SCNN1B: variants seen among roughly 807,000 people sequenced by gnomAD.
SCNN1B encodes the protein sodium channel epithelial 1 subunit beta, also known as epithelial sodium channel subunit beta.
In SCNN1B, 46 loss-of-function variants were observed where a neutral mutation model predicts 65.3. That is an observed-to-expected ratio of 0.70 (90% CI 0.56 to 0.90). The LOEUF is 0.90. SCNN1B is among the 40% of genes least tolerant of loss of function. The pLI is 0.00. For missense variants in SCNN1B, 751 were observed against 830.5 expected (o/e 0.90, Z 1.18); for synonymous variants, 349 against 330.6 (o/e 1.06, Z -0.60).
In SCNN1B at chr16:23,293,114, CAAAAAAAAAAA is replaced by C. The variant is rs1191618996; in HGVS notation, n.178+9328_178+9338del. On this transcript the variant is annotated intron_variant and non_coding_transcript_variant, in intron 2 of 3. Transcript: ENST00000569789. ...TGGGCAATACAGGGAGACTCATTCT[CAAAAAAAAAAA>C]AAAAAAAAAAAAAAAAAGTGAGACT... is the stretch of plus-strand genomic sequence containing the variant. Among the ~76,000 whole-genome samples, 5 of 34,180 alleles carry C rather than the reference CAAAAAAAAAAA, an allele frequency of 1.5e-4. 2 individuals are homozygous for C. The South Asian group carries it at 0.013, about 87-fold the overall frequency. 22.4% of individuals were successfully genotyped at this position (34,180 alleles called of 152,430 possible). A position where few individuals can be genotyped will look rare whatever the true frequency, so the allele number is the denominator to read the frequency against.
At chr16:23,319,568 C>T (rs1417354397) in intron 1 of SCNN1B, among the ~76,000 whole-genome samples, 13 of 152,180 alleles carry the variant, frequency 8.5e-5, no homozygotes, top group Admixed American at 8.5e-4. Context: ...ACATAGCCCG[C>T]CCAGTCATTT....
At chr16:23,292,000 T>C (rs1960932043) in intron 2 of SCNN1B, among the ~76,000 whole-genome samples, 1 of 151,854 alleles carries the variant, frequency 6.6e-6, no homozygotes, top group African/African-American at 2.4e-5. Flanking sequence ...CAACTTGTTT[T>C]TTTCTCTCAC....
intron 1 of SCNN1B, among the ~76,000 whole-genome samples, chr16:23,319,734 T>G (rs186543952): frequency 3.7e-4 from 57 of 152,280 alleles, no homozygotes; most frequent in Admixed American, 3.6e-3. Flanking sequence ...CAAACTCTGC[T>G]GCACATATTA....
chr16:23,313,759 G>A (rs534588594), intron 1 of SCNN1B, among the ~76,000 whole-genome samples: 1 of 152,146 alleles, frequency 6.6e-6, no homozygotes, highest in South Asian at 2.1e-4. Flanking sequence ...CTATAGGCAC[G>A]CGCCACCACG....
chr16:23,324,246 G>A (rs922572966), intron 1 of SCNN1B, among the ~76,000 whole-genome samples: 5 of 150,848 alleles, frequency 3.3e-5, no homozygotes, highest in African/African-American at 7.3e-5. Flanking sequence ...GGAGTGCAGC[G>A]GTACAGTCAT....
At chr16:23,311,428 C>A (rs994551268) in intron 1 of SCNN1B, among the ~76,000 whole-genome samples, 4 of 152,328 alleles carry the variant, frequency 2.6e-5, no homozygotes, top group African/African-American at 9.6e-5. Flanking sequence ...CTGGGTTGCA[C>A]CCTCCCAAAA....
chr16:23,360,309 G>T (rs373395335), intron 4 of SCNN1B, among the ~76,000 whole-genome samples: 1 of 152,062 alleles, frequency 6.6e-6, no homozygotes, highest in African/African-American at 2.4e-5. Context: ...GCCAAGGAGG[G>T]AGAATCGCTT....
intron 1 of SCNN1B, among the ~76,000 whole-genome samples, chr16:23,320,933 C>T (rs1168829700): frequency 6.6e-6 from 1 of 152,200 alleles, no homozygotes; most frequent in Non-Finnish European, 1.5e-5. Flanking sequence ...CCACCTAAGC[C>T]CCAGCCGGTT....
At chr16:23,362,733 C>A (rs1962578082) in intron 4 of SCNN1B, among the ~76,000 whole-genome samples, 1 of 152,230 alleles carries the variant, frequency 6.6e-6, no homozygotes, top group Non-Finnish European at 1.5e-5. Context: ...CCTGGCCACA[C>A]CCCATGCAGC....
intron 1 of SCNN1B, among the ~76,000 whole-genome samples, chr16:23,283,402 C>T (rs545249408): frequency 2.0e-5 from 3 of 152,302 alleles, no homozygotes; most frequent in East Asian, 1.9e-4. Flanking sequence ...CAGAGCAAGA[C>T]TCCATCTCCA....
chr16:23,321,161 C>T (rs1961578921), intron 1 of SCNN1B, among the ~76,000 whole-genome samples: 1 of 152,216 alleles, frequency 6.6e-6, no homozygotes, highest in Non-Finnish European at 1.5e-5. Flanking sequence ...TCTGCCTCAG[C>T]CTCCTAAGTA....
At chr16:23,371,525 C>T in intron 6 of SCNN1B, 63 bp downstream of exon 6, 1 of 1,533,948 alleles carries the variant, frequency 6.5e-7, no homozygotes, top group Admixed American at 1.7e-5. Flanking sequence ...CTGTCCAGGG[C>T]CAACTGCCCT....
intron 1 of SCNN1B, among the ~76,000 whole-genome samples, chr16:23,320,296 G>A (rs1371034133): frequency 6.6e-6 from 1 of 152,162 alleles, no homozygotes; most frequent in Non-Finnish European, 1.5e-5. Context: ...GGCCTCGGGG[G>A]AAGACTGAGG....
chr16:23,366,172 A>G (rs1962665039), intron 4 of SCNN1B, among the ~76,000 whole-genome samples: 1 of 151,908 alleles, frequency 6.6e-6, no homozygotes, highest in African/African-American at 2.4e-5. Flanking sequence ...ACTTACTCTC[A>G]TTCCTTCCTG....
chr16:23,367,976 C>A lies in SCNN1B; in HGVS notation c.880+17C>A. 6.3e-7 allele frequency: 1 copy of A among 1,580,252 alleles called. No homozygotes were observed. Among genetic ancestry groups the A allele is most frequent in the Non-Finnish European group, 8.7e-7 (1 of 1,149,288 alleles). On this transcript the variant is annotated intron_variant, in intron 5 of 12. Coordinates refer to ENST00000343070, the MANE Select transcript of SCNN1B (RefSeq NM_000336.3). The stretch of plus-strand genomic sequence containing the variant: ...CTGAATTCGGTGAGTTTTGGTTTAT[C>A]GTGGGGCCAGAGCCATGAGGCTTTA...
At chr16:23,293,227 C>T (rs1487510944) in intron 2 of SCNN1B, among the ~76,000 whole-genome samples, 1 of 149,890 alleles carries the variant, frequency 6.7e-6, no homozygotes, top group African/African-American at 2.5e-5. Flanking sequence ...CTCATAGGAG[C>T]ATTATTCACA....
intron 1 of SCNN1B, among the ~76,000 whole-genome samples, chr16:23,279,875 C>G (rs1201848257): frequency 6.6e-6 from 1 of 152,068 alleles, no homozygotes; most frequent in Non-Finnish European, 1.5e-5. Context: ...CTGCAGAGCC[C>G]CTGGAGAACA....
At chr16:23,313,056 T>A (rs901047919) in intron 1 of SCNN1B, among the ~76,000 whole-genome samples, 2 of 152,220 alleles carry the variant, frequency 1.3e-5, no homozygotes, top group African/African-American at 2.4e-5. Context: ...TCACAGGAAC[T>A]GAAACACTTA....
intron 4 of SCNN1B, among the ~76,000 whole-genome samples, chr16:23,367,296 T>A (rs1442989162): frequency 6.6e-6 from 1 of 152,090 alleles, no homozygotes; most frequent in African/African-American, 2.4e-5. Flanking sequence ...TTTTTGTTGT[T>A]GTTGTTTGTT....
Sources: allele counts gnomAD v4.1 joint callset (sites outside exome capture counted in the v4.1 genomes callset), GRCh38; gene constraint gnomAD v4.1.1; transcripts MANE v1.5; gene names NCBI Gene and HGNC (gene_info 2026-07-23, HGNC 2026-07-21).